MGAT4A: variants seen among roughly 807,000 people sequenced by gnomAD.
MGAT4A encodes the protein alpha-1,3-mannosyl-glycoprotein 4-beta-N-acetylglucosaminyltransferase A.
Under a neutral mutation model 74.1 loss-of-function variants are expected in MGAT4A, and 33 were observed. That is an observed-to-expected ratio of 0.45 (90% confidence interval 0.34 to 0.60). MGAT4A has a LOEUF of 0.60. Ranked by LOEUF, MGAT4A falls within the 20% of genes least tolerant of loss-of-function variation. The pLI is 0.02. For missense variants in MGAT4A, 479 were observed against 628.3 expected (o/e 0.76, Z 2.54); for synonymous variants, 198 against 210.4 (o/e 0.94, Z 0.51).
intron 8 of MGAT4A, among the ~76,000 whole-genome samples, chr2:98,647,858 T>C (rs1202296391): frequency 2.0e-5 from 3 of 152,340 alleles, no homozygotes; most frequent in Middle Eastern, 3.4e-3. Flanking sequence ...TCTACTGCCT[T>C]TTGGAAAGCA....
rs1486326376 is a variant in MGAT4A at position 98,660,412 on chromosome 2, GCACGCGCACACACACACACACA to G, written c.538-2170_538-2149del. ...TATAACCACACACACACACACACACGCACGCGCACACACACACACACACACACACACACACACACACACACAA... is the reference window on the plus strand; with the variant it reads ...TATAACCACACACACACACACACACGCACACACACACACACACACACACAA... On this transcript the variant is annotated intron_variant, in intron 5 of 15. Transcript: ENST00000393487. 8.0e-3 allele frequency among the ~76,000 whole-genome samples: 741 copies of G among 92,950 alleles called. 10 individuals are homozygous for G. Among genetic ancestry groups the G allele is most frequent in the African/African-American group, 0.03 (690 of 23,036 alleles). 61.0% of individuals were successfully genotyped at this position (92,950 alleles called of 152,430 possible). A position where few individuals can be genotyped will look rare whatever the true frequency, so the allele number is the denominator to read the frequency against.
intron 2 of MGAT4A, among the ~76,000 whole-genome samples, chr2:98,688,364 C>A (rs866701500): frequency 3.9e-5 from 6 of 152,148 alleles, no homozygotes; most frequent in African/African-American, 1.4e-4. Context: ...CAGTGACCCT[C>A]GTCCTTCTGG....
chr2:98,650,606 T>G (rs1701562113), intron 8 of MGAT4A, among the ~76,000 whole-genome samples: 1 of 152,154 alleles, frequency 6.6e-6, no homozygotes, highest in African/African-American at 2.4e-5. Context: ...TAAAACATAC[T>G]AAACAAAAAC....
At chr2:98,672,252 T>A (rs542571745) in intron 4 of MGAT4A, among the ~76,000 whole-genome samples, 1 of 152,300 alleles carries the variant, frequency 6.6e-6, no homozygotes, top group East Asian at 1.9e-4. Context: ...ATCCTTTACA[T>A]CGGTAATTAA....
chr2:98,634,756 CAA>C (rs749040139), intron 14 of MGAT4A, among the ~76,000 whole-genome samples: 2 of 149,028 alleles, frequency 1.3e-5, no homozygotes, highest in Non-Finnish European at 3.0e-5. Context: ...ATAGGGACAG[CAA>C]AAACTGGCGA....
chr2:98,637,816 A>G (rs1235374412), intron 12 of MGAT4A, among the ~76,000 whole-genome samples: 3 of 152,190 alleles, frequency 2.0e-5, no homozygotes, highest in Admixed American at 2.0e-4. Flanking sequence ...GACTGCTCCA[A>G]TCAGTTCAGG....
At chr2:98,667,209 C>G (rs1701846135) in intron 4 of MGAT4A, among the ~76,000 whole-genome samples, 1 of 152,186 alleles carries the variant, frequency 6.6e-6, no homozygotes, top group African/African-American at 2.4e-5. Flanking sequence ...AAACCTCTTT[C>G]TTTTGTAAAT....
At chr2:98,676,054 C>T (rs372220004) in intron 3 of MGAT4A, among the ~76,000 whole-genome samples, 1 of 152,114 alleles carries the variant, frequency 6.6e-6, no homozygotes, top group South Asian at 2.1e-4. Context: ...ACCAATGAAT[C>T]ATTTAATGAT....
chr2:98,658,887 ACTT>A (rs903843042), intron 5 of MGAT4A, among the ~76,000 whole-genome samples: 51 of 152,246 alleles, frequency 3.3e-4, no homozygotes, highest in African/African-American at 1.2e-3. Context: ...AAATTCTAAT[ACTT>A]CTTATTAATT....
At chr2:98,663,272 G>A in intron 4 of MGAT4A, 93 bp from the exon 5 acceptor site, 1 of 1,529,342 alleles carries the variant, frequency 6.5e-7, no homozygotes, top group Non-Finnish European at 8.8e-7. Context: ...CTCTCAAATT[G>A]ATAGGAATAA....
rs143399130 is a variant in MGAT4A, at chr2:98,729,917, C to G, written c.-236+1131G>C. ...AATTCATTTATTTGCCATTTATAAA[C>G]GGGTCAGTAGTTTTCTTTAATACAG... is the stretch of plus-strand genomic sequence containing the variant. On this transcript the variant is annotated intron_variant, in intron 1 of 15. Coordinates refer to ENST00000393487, the MANE Select transcript of MGAT4A (RefSeq NM_012214.3). Among the ~76,000 whole-genome samples, 59 of 152,258 alleles carry G rather than the reference C, an allele frequency of 3.9e-4. 1 individual carries two copies. The East Asian group carries it at 0.01, about 26-fold the overall frequency.
chr2:98,698,233 G>A (rs906440963), intron 2 of MGAT4A, among the ~76,000 whole-genome samples: 8 of 152,012 alleles, frequency 5.3e-5, no homozygotes, highest in African/African-American at 1.9e-4. Context: ...TGGCCAACAC[G>A]GTGAAAACCC....
At chr2:98,707,372 C>T (rs112378546) in intron 2 of MGAT4A, among the ~76,000 whole-genome samples, 1,583 of 152,168 alleles carry the variant, frequency 0.01, 19 homozygotes, top group African/African-American at 0.037. Flanking sequence ...TAAACTCTAG[C>T]CTAGTTTATT....
intron 5 of MGAT4A, among the ~76,000 whole-genome samples, chr2:98,660,863 G>T (rs1701738605): frequency 6.6e-6 from 1 of 152,140 alleles, no homozygotes; most frequent in Admixed American, 6.5e-5. Flanking sequence ...CTGGGCAATG[G>T]TTTTTTGGAT....
At chr2:98,700,108 A>G (rs1702330957) in intron 2 of MGAT4A, among the ~76,000 whole-genome samples, 1 of 152,028 alleles carries the variant, frequency 6.6e-6, no homozygotes, top group Non-Finnish European at 1.5e-5. Context: ...AGCAAGTGCG[A>G]TATGATTTTA....
At chr2:98,706,388 TTTTATG>T (rs1164952787) in intron 2 of MGAT4A, among the ~76,000 whole-genome samples, 1 of 152,106 alleles carries the variant, frequency 6.6e-6, no homozygotes, top group African/African-American at 2.4e-5. Flanking sequence ...TTATTTTTAT[TTTTATG>T]ATCTCAGCTC....
At chr2:98,705,289 T>C (rs1032835972) in intron 2 of MGAT4A, among the ~76,000 whole-genome samples, 1 of 152,188 alleles carries the variant, frequency 6.6e-6, no homozygotes, top group Non-Finnish European at 1.5e-5. Context: ...ACAGAGGTCA[T>C]AATGATCTTA....
Position 98,625,377 on chromosome 2 carries a change from G to C in MGAT4A, c.*189C>G. On this transcript the variant is annotated 3_prime_UTR_variant, in exon 16 of 16. Coordinates refer to ENST00000393487, the MANE Select transcript of MGAT4A (RefSeq NM_012214.3). ...AAATGTTTGAGTCAAGTTAAAATCT[G>C]AGGACAGCTTAGTTTCAAACAAATA... 3 of 1,398,866 alleles carry C rather than the reference G, an allele frequency of 2.1e-6. No individual in the cohort carries two copies. Among genetic ancestry groups the C allele is most frequent in the Non-Finnish European group, 2.8e-6 (3 of 1,076,482 alleles). 86.7% of individuals were successfully genotyped at this position (1,398,866 alleles called of 1,614,324 possible). A position where few individuals can be genotyped will look rare whatever the true frequency, so the allele number is the denominator to read the frequency against.
At position 98,675,167 on chromosome 2, in the gene MGAT4A, G is replaced by A; in HGVS notation, c.271C>T (p.Leu91=). ...CTTGTTAACTCCTTTAACAGCTTTA[G>A]GGTATTATCTGAAACACAGAAGTAT... ...DALNKFSDNT[L]KLLKELTSKK... is the part of the protein sequence containing the mutation. Residue 91 remains leucine (L), a synonymous_variant, in exon 4 of 16, where the codon CTA becomes TTA. Coordinates refer to ENST00000393487, the MANE Select transcript of MGAT4A (RefSeq NM_012214.3). 2.5e-6 allele frequency: 4 copies of A among 1,591,666 alleles called. No individual in the cohort carries two copies. The highest frequency in any genetic ancestry group is 2.6e-6 in the Non-Finnish European group (3 of 1,167,168).
Sources: gnomAD v4.1 joint callset for allele counts (sites outside exome capture counted in the v4.1 genomes callset) on GRCh38, gnomAD v4.1.1 for gene constraint, MANE v1.5 for transcripts, NCBI Gene and HGNC (gene_info 2026-07-23, HGNC 2026-07-21) for gene names.